The following SNTG1 variants were observed in gnomAD, a reference collection of about 807,000 sequenced individuals.
SNTG1 encodes syntrophin gamma 1, also known as gamma-1-syntrophin.
SNTG1 carries 39 observed loss-of-function variants against 74.7 expected under a neutral mutation model. The observed-to-expected ratio is 0.52, with a 90% CI of 0.40 to 0.68. The LOEUF is 0.68. SNTG1 is among the 30% of genes least tolerant of loss of function. The probability of loss-of-function intolerance (pLI) is 0.00; values close to 1 mark genes in which losing one functional copy is unlikely to be tolerated. For missense variants in SNTG1, 685 were observed against 609.5 expected (o/e 1.12, Z -1.30); for synonymous variants, 254 against 217.1 (o/e 1.17, Z -1.49).
intron 1 of SNTG1, among the ~76,000 whole-genome samples, chr8:49,998,473 CACAG>C (rs1814442192): frequency 6.6e-6 from 1 of 152,062 alleles, no homozygotes; most frequent in East Asian, 1.9e-4. Flanking sequence ...AAGCTTAACA[CACAG>C]ACACATTATA....
chr8:50,600,095 G>A (rs1427050061), intron 13 of SNTG1, among the ~76,000 whole-genome samples: 1 of 152,116 alleles, frequency 6.6e-6, no homozygotes, highest in African/African-American at 2.4e-5. Context: ...TTGACATGAT[G>A]TGTCACATTG....
intron 17 of SNTG1, among the ~76,000 whole-genome samples, chr8:50,723,582 A>G (rs2095492853): frequency 6.6e-6 from 1 of 152,156 alleles, no homozygotes; most frequent in South Asian, 2.1e-4. Flanking sequence ...ACATAACTAC[A>G]GGGAAATGAA....
chr8:49,917,617 AACT>A (rs1364187204), intron 1 of SNTG1, among the ~76,000 whole-genome samples: 1 of 152,126 alleles, frequency 6.6e-6, no homozygotes, highest in Non-Finnish European at 1.5e-5. Context: ...GGCTCTGATC[AACT>A]ACCGCTCTCT....
intron 13 of SNTG1, among the ~76,000 whole-genome samples, chr8:50,632,157 A>C (rs1168380031): frequency 6.6e-6 from 1 of 152,138 alleles, no homozygotes; most frequent in East Asian, 1.9e-4. Context: ...AGAAGTGTCA[A>C]GTACATTATA....
chr8:50,577,329 G>C (rs2094582335), intron 12 of SNTG1, among the ~76,000 whole-genome samples: 1 of 152,046 alleles, frequency 6.6e-6, no homozygotes, highest in South Asian at 2.1e-4. Flanking sequence ...AAACCCACTT[G>C]ATAATTGTAT....
chr8:50,483,301 A>T (rs2093756163), intron 8 of SNTG1, among the ~76,000 whole-genome samples: 1 of 152,154 alleles, frequency 6.6e-6, no homozygotes, highest in South Asian at 2.1e-4. Context: ...GATAGAATGG[A>T]TCTATGTATT....
chr8:50,490,497 G>A (rs1360537416), intron 8 of SNTG1, among the ~76,000 whole-genome samples: 1 of 152,172 alleles, frequency 6.6e-6, no homozygotes, highest in Non-Finnish European at 1.5e-5. Flanking sequence ...CTTGTAAGTT[G>A]TATTCCTAGG....
chr8:50,504,726 G>T (rs898585809), intron 9 of SNTG1, among the ~76,000 whole-genome samples: 1 of 152,036 alleles, frequency 6.6e-6, no homozygotes, highest in Non-Finnish European at 1.5e-5. Context: ...GCTTGAGCCT[G>T]GTAGGCTGAG....
intron 4 of SNTG1, among the ~76,000 whole-genome samples, chr8:50,421,288 C>G (rs1329919894): frequency 1.3e-5 from 2 of 152,216 alleles, no homozygotes; most frequent in South Asian, 2.1e-4. Flanking sequence ...GAGAAGCGTT[C>G]GGGGCTGCTA....
At chr8:50,577,563 G>A (rs1017086779) in intron 12 of SNTG1, among the ~76,000 whole-genome samples, 5 of 57,070 alleles carry the variant, frequency 8.8e-5, no homozygotes, top group Non-Finnish European at 1.7e-4. Flanking sequence ...TTTTGGAAAA[G>A]TTGAAGAAGG....
intron 2 of SNTG1, among the ~76,000 whole-genome samples, chr8:50,367,131 A>C (rs746589102): frequency 3.0e-4 from 46 of 151,786 alleles, no homozygotes; most frequent in Non-Finnish European, 6.3e-4. Context: ...TTCTAAGAGA[A>C]TATTTGGAAA....
At chr8:50,361,029 G>A (rs1444598542) in intron 2 of SNTG1, among the ~76,000 whole-genome samples, 1 of 152,014 alleles carries the variant, frequency 6.6e-6, no homozygotes, top group East Asian at 1.9e-4. Flanking sequence ...TAACTCTTTT[G>A]TAATAGCTTT....
Position 50,454,906 on chromosome 8 carries a change from G to A in SNTG1, c.363+4177G>A, listed in dbSNP as rs2093491116. 1.3e-5 allele frequency among the ~76,000 whole-genome samples: 2 copies of A among 151,450 alleles called. 1 individual carries two copies. Among genetic ancestry groups the A allele is most frequent in the South Asian group, 4.2e-4 (2 of 4,800 alleles). On this transcript the variant is annotated intron_variant, in intron 8 of 18. Transcript: ENST00000642720. Reference sequence around the variant, plus strand: ...GCACTGAGACTGAGTACTTTCTGAGGCTGAGTACTTTGTGTGATAAGAAAG... The same window carrying A: ...GCACTGAGACTGAGTACTTTCTGAGACTGAGTACTTTGTGTGATAAGAAAG...
In SNTG1 at chr8:50,440,810, C is replaced by A. The variant is rs560827569; in HGVS notation, c.219+2211C>A. 4.6e-5 allele frequency among the ~76,000 whole-genome samples: 7 copies of A among 152,242 alleles called. No individual in the cohort carries two copies. The South Asian group carries it at 1.2e-3, about 27-fold the overall frequency. On this transcript the variant is annotated intron_variant, in intron 5 of 18. Coordinates refer to ENST00000642720, the MANE Select transcript of SNTG1 (RefSeq NM_018967.5). ...GTTAGACAACTGAAAAGCCATTTAC[C>A]AATGTAGTTAAGACTCCTACAGGTG...
intron 9 of SNTG1, among the ~76,000 whole-genome samples, chr8:50,522,566 T>C (rs1216254827): frequency 6.7e-6 from 1 of 149,838 alleles, no homozygotes; most frequent in Admixed American, 6.7e-5. Context: ...AGGCAGACAT[T>C]GACTTCCTTC....
rs114759516 is a variant in SNTG1, at chr8:50,555,757, G to T, written c.810+2578G>T. ...AGGCATAAAATAAAACTGAAAAAAG[G>T]ATTAAAATGCATATAAAATAATAAG... is the stretch of plus-strand genomic sequence containing the variant. On this transcript the variant is annotated intron_variant, in intron 12 of 18. Coordinates refer to ENST00000642720, the MANE Select transcript of SNTG1 (RefSeq NM_018967.5). Among the ~76,000 whole-genome samples, 1,198 of 152,100 alleles carry T rather than the reference G, an allele frequency of 7.9e-3. 20 individuals carry two copies. The highest frequency in any genetic ancestry group is 0.027 in the African/African-American group (1,127 of 41,498).
intron 1 of SNTG1, among the ~76,000 whole-genome samples, chr8:49,977,729 C>T (rs1029003194): frequency 3.9e-5 from 6 of 152,216 alleles, no homozygotes; most frequent in African/African-American, 1.4e-4. Flanking sequence ...TTCACCCTAT[C>T]TTACATTCAT....
At chr8:50,791,949 A>G (rs141329047) in intron 18 of SNTG1, among the ~76,000 whole-genome samples, 120 of 151,908 alleles carry the variant, frequency 7.9e-4, no homozygotes, top group African/African-American at 2.6e-3. Flanking sequence ...GTTTGAAATA[A>G]CTTTTTCTGT....
rs114696125 is a variant in SNTG1 at position 50,008,125 on chromosome 8, G to T, written c.-103+95894G>T. 5.5e-3 allele frequency among the ~76,000 whole-genome samples: 835 copies of T among 150,608 alleles called. 11 individuals are homozygous for T. The highest frequency in any genetic ancestry group is 0.02 in the African/African-American group (791 of 40,060). ...GGACACAGAGCCAAATCATATCAGA[G>T]AATTTAAAAGAATTTATGGAAAAAA... On this transcript the variant is annotated intron_variant, in intron 1 of 18. Transcript: ENST00000642720.
Sources: allele counts gnomAD v4.1 joint callset (sites outside exome capture counted in the v4.1 genomes callset), GRCh38; gene constraint gnomAD v4.1.1; transcripts MANE v1.5; gene names NCBI Gene and HGNC (gene_info 2026-07-23, HGNC 2026-07-21).